The following ADAMTS3 variants were observed in gnomAD, a reference collection of about 807,000 sequenced individuals.
ADAMTS3 encodes ADAM metallopeptidase with thrombospondin type 1 motif 3.
ADAMTS3 carries 73 observed loss-of-function variants against 129.0 expected under a neutral mutation model. The observed-to-expected ratio is 0.57, with a 90% CI of 0.47 to 0.69. ADAMTS3 has a LOEUF of 0.69. Ranked by LOEUF, ADAMTS3 falls within the 30% of genes least tolerant of loss-of-function variation. The pLI is 0.00. For missense variants in ADAMTS3, 1,457 were observed against 1,514.5 expected (o/e 0.96, Z 0.63); for synonymous variants, 477 against 510.8 (o/e 0.93, Z 0.89).
At chr4:72,334,011 G>A (rs573289078) in intron 5 of ADAMTS3, among the ~76,000 whole-genome samples, 6 of 151,718 alleles carry the variant, frequency 4.0e-5, no homozygotes, top group East Asian at 3.9e-4. Flanking sequence ...CTGCCACCAC[G>A]CCTGGCTAAA....
At chr4:72,332,108 A>G (rs1719866925) in intron 5 of ADAMTS3, among the ~76,000 whole-genome samples, 1 of 152,232 alleles carries the variant, frequency 6.6e-6, no homozygotes, top group South Asian at 2.1e-4. Flanking sequence ...TTCAAATGTA[A>G]GAAACGGATT....
At chr4:72,491,067 C>A (rs777104128) in intron 3 of ADAMTS3, among the ~76,000 whole-genome samples, 22 of 151,624 alleles carry the variant, frequency 1.5e-4, no homozygotes, top group Non-Finnish European at 3.1e-4. Flanking sequence ...GTATTTTATT[C>A]TTTTTGTTGA....
chr4:72,314,133 A>G (rs1189845207), intron 11 of ADAMTS3, among the ~76,000 whole-genome samples: 1 of 152,186 alleles, frequency 6.6e-6, no homozygotes, highest in East Asian at 1.9e-4. Flanking sequence ...CCCAGCTTGC[A>G]CAGTTGGTAA....
At position 72,301,253 on chromosome 4, in the gene ADAMTS3, C is replaced by A. The variant is rs115734918; in HGVS notation, c.2424+2664G>T. On this transcript the variant is annotated intron_variant, in intron 17 of 21. Transcript: ENST00000286657. ...AAAAAAAATTTCATAACACCAAAAT[C>A]TTTATCCACAAAAGAAAACATTAAA... Among the ~76,000 whole-genome samples the A allele has an allele frequency of 6.0e-3, 920 of 152,126 alleles. 3 individuals carry two copies. The highest frequency in any genetic ancestry group is 0.014 in the Middle Eastern group (4 of 294).
At chr4:72,355,133 A>G (rs1399814181) in intron 4 of ADAMTS3, among the ~76,000 whole-genome samples, 7 of 151,366 alleles carry the variant, frequency 4.6e-5, no homozygotes, top group African/African-American at 1.7e-4. Flanking sequence ...TTTTCATTAT[A>G]GTCTACTCAT....
At chr4:72,514,980 C>A (rs912272214) in intron 3 of ADAMTS3, among the ~76,000 whole-genome samples, 1 of 152,018 alleles carries the variant, frequency 6.6e-6, no homozygotes, top group African/African-American at 2.4e-5. Context: ...TACTATCCCT[C>A]CCCGCTACCC....
Position 72,295,715 on chromosome 4 carries a change from C to A in ADAMTS3, c.2662G>T (p.Ala888Ser). The change falls in exon 19 of 22, where the codon GCC (alanine) becomes TCC (serine). Residue 888 changes from alanine (A) to serine (S), a missense_variant. Transcript: ENST00000286657. Reference protein sequence around the residue: ...NKMVHRSFCEANKKPKPIRRM... With the variant: ...NKMVHRSFCESNKKPKPIRRM... Reference sequence around the variant, plus strand: ...CTAATAGGTTTCGGCTTTTTGTTGGCCTCACAGAAGCTGCGATGGACCATT... The same window carrying A: ...CTAATAGGTTTCGGCTTTTTGTTGGACTCACAGAAGCTGCGATGGACCATT... 1 of 1,612,970 alleles carries A rather than the reference C, an allele frequency of 6.2e-7. No individual in the cohort carries two copies. The highest frequency in any genetic ancestry group is 8.5e-7 in the Non-Finnish European group (1 of 1,179,188).
rs1000222928 is a variant in ADAMTS3 at position 72,318,710 on chromosome 4, G to A, written c.1353-6C>T. 6.8e-6 allele frequency: 11 copies of A among 1,608,230 alleles called. No homozygotes were observed. The Admixed American group carries it at 1.4e-4, about 20-fold the overall frequency. On this transcript the variant is annotated splice_region_variant and splice_polypyrimidine_tract_variant and intron_variant, in intron 9 of 21. Transcript: ENST00000286657. Reference sequence around the variant, plus strand: ...CAAGGAGACAGTCATAGGAACTGTAGGAAGAAAAATATTGCATGTAGTTAA... The same window carrying A: ...CAAGGAGACAGTCATAGGAACTGTAAGAAGAAAAATATTGCATGTAGTTAA...
chr4:72,520,515 CTTTG>C (rs1022647539), intron 3 of ADAMTS3, among the ~76,000 whole-genome samples: 1 of 152,236 alleles, frequency 6.6e-6, no homozygotes, highest in African/African-American at 2.4e-5. Flanking sequence ...TTCCCGGCTG[CTTTG>C]TTTACCTAAG....
intron 4 of ADAMTS3, among the ~76,000 whole-genome samples, chr4:72,390,753 C>T (rs1181893455): frequency 6.6e-6 from 1 of 152,040 alleles, no homozygotes; most frequent in African/African-American, 2.4e-5. Context: ...TCTGGGAAAG[C>T]GCTTTATTTC....
intron 3 of ADAMTS3, among the ~76,000 whole-genome samples, chr4:72,538,751 T>G (rs1721243867): frequency 6.6e-6 from 1 of 152,190 alleles, no homozygotes; most frequent in African/African-American, 2.4e-5. Context: ...TCACACTTCC[T>G]GATAACAAAA....
chr4:72,447,837 C>T (rs893581181), intron 3 of ADAMTS3, among the ~76,000 whole-genome samples: 1 of 151,672 alleles, frequency 6.6e-6, no homozygotes, highest in African/African-American at 2.4e-5. Context: ...AGAAAGCCAC[C>T]CCATGTGGCT....
intron 19 of ADAMTS3, among the ~76,000 whole-genome samples, chr4:72,294,898 G>A (rs1197659864): frequency 6.6e-5 from 10 of 151,974 alleles, no homozygotes; most frequent in African/African-American, 2.4e-5. Flanking sequence ...GATGATGAAA[G>A]GAAACCCTAG....
chr4:72,454,055 G>C (rs528709593), intron 3 of ADAMTS3, among the ~76,000 whole-genome samples: 1 of 151,334 alleles, frequency 6.6e-6, no homozygotes, highest in East Asian at 2.0e-4. Context: ...ATAAAGATGA[G>C]TAAAAATAAT....
intron 4 of ADAMTS3, among the ~76,000 whole-genome samples, chr4:72,389,140 C>A (rs1287011515): frequency 6.6e-6 from 1 of 152,148 alleles, no homozygotes; most frequent in Non-Finnish European, 1.5e-5. Context: ...AATGCGAACC[C>A]TTCTAAATTC....
chr4:72,316,135 G>A (rs903169849), intron 10 of ADAMTS3, among the ~76,000 whole-genome samples, 164 bp from the exon 11 acceptor site: 6 of 152,006 alleles, frequency 3.9e-5, no homozygotes, highest in African/African-American at 1.4e-4. Context: ...AGAATTTCAG[G>A]TAGAAAATAC....
At position 72,283,250 on chromosome 4, in the gene ADAMTS3, G is replaced by A. The variant is rs753806001; in HGVS notation, c.3504C>T (p.Ser1168=). ...LSSASQMAAA[S]FFAASDSIGA... ...CTATTGAATCACTGGCTGCAAAGAA[G>A]GAAGCAGCAGCCATTTGTGAAGCTG... The change falls in exon 22 of 22, where the codon TCC becomes TCT. Residue 1168 remains serine, a synonymous_variant. Coordinates refer to ENST00000286657, the MANE Select transcript of ADAMTS3 (RefSeq NM_014243.3). 2.1e-5 allele frequency: 34 copies of A among 1,613,932 alleles called. No homozygotes were observed. The highest frequency in any genetic ancestry group is 2.5e-6 in the Non-Finnish European group (3 of 1,179,974).
chr4:72,531,334 A>T (rs896221712), intron 3 of ADAMTS3, among the ~76,000 whole-genome samples: 1 of 152,130 alleles, frequency 6.6e-6, no homozygotes, highest in African/African-American at 2.4e-5. Context: ...TGTGTCTATC[A>T]AGGGTTGATC....
At chr4:72,387,667 A>G (rs1039695347) in intron 4 of ADAMTS3, among the ~76,000 whole-genome samples, 1 of 152,138 alleles carries the variant, frequency 6.6e-6, no homozygotes, top group Non-Finnish European at 1.5e-5. Flanking sequence ...AGAGGCATCT[A>G]AAGTTTTGGG....
Sources: allele counts gnomAD v4.1 joint callset (sites outside exome capture counted in the v4.1 genomes callset), GRCh38; gene constraint gnomAD v4.1.1; transcripts MANE v1.5; gene names NCBI Gene and HGNC (gene_info 2026-07-23, HGNC 2026-07-21).